Variants in NMU observed in about 807,000 individuals in gnomAD.
The protein encoded by NMU is neuromedin-U.
In NMU, 29 loss-of-function variants were observed where a neutral mutation model predicts 35.4. The ratio of observed to expected loss-of-function variants is 0.82; its 90% CI spans 0.61 to 1.12. NMU has a LOEUF of 1.12. Among genes scored for constraint, NMU ranks in the 50% most tolerant of loss-of-function variants. NMU has a pLI of 0.00. For missense variants in NMU, 199 were observed against 206.2 expected (o/e 0.97, Z 0.21); for synonymous variants, 78 against 81.3 (o/e 0.96, Z 0.22).
chr4:55,600,633 C>G, intron 7 of NMU, 58 bp from the exon 8 acceptor site: 1 of 1,245,560 alleles, frequency 8.0e-7, no homozygotes, highest in Non-Finnish European at 1.2e-6. Flanking sequence ...AGTGCAAATT[C>G]TCCTTGAAAG....
At chr4:55,611,188 C>T (rs1360410467) in intron 3 of NMU, among the ~76,000 whole-genome samples, 1 of 151,908 alleles carries the variant, frequency 6.6e-6, no homozygotes, top group Non-Finnish European at 1.5e-5. Flanking sequence ...ATAGCAAGAT[C>T]CTGTCTCTAC....
intron 2 of NMU, 100 bp downstream of exon 2, chr4:55,630,302 G>A (rs1577964327): frequency 1.1e-6 from 1 of 933,490 alleles, no homozygotes; most frequent in East Asian, 2.5e-5. Flanking sequence ...TAGAGTGTTG[G>A]TAAAATCATA....
intron 1 of NMU, among the ~76,000 whole-genome samples, chr4:55,634,811 G>C (rs1345537867): frequency 6.6e-6 from 1 of 152,154 alleles, no homozygotes; most frequent in Non-Finnish European, 1.5e-5. Context: ...AGGTCTGCTA[G>C]CTTCTGACTG....
At position 55,607,898 on chromosome 4, in the gene NMU, C is replaced by T. The variant is rs1271769891; in HGVS notation, c.280-432G>A. Among the ~76,000 whole-genome samples the T allele has an allele frequency of 2.6e-5, 4 of 152,176 alleles. No individual in the cohort carries two copies. In the South Asian group the frequency reaches 6.2e-4, roughly 24 times the overall value. Reference sequence around the variant, plus strand: ...CCATAAAAAAATTTTTAGCCGGGCGCGGTGGCTTGCGCCTGTAATCCCAGC... The same window carrying T: ...CCATAAAAAAATTTTTAGCCGGGCGTGGTGGCTTGCGCCTGTAATCCCAGC... On this transcript the variant is annotated intron_variant, in intron 4 of 9. Coordinates refer to ENST00000264218, the MANE Select transcript of NMU (RefSeq NM_006681.4).
chr4:55,619,879 TG>T (rs1226679002), intron 2 of NMU, among the ~76,000 whole-genome samples: 2 of 128,696 alleles, frequency 1.6e-5, no homozygotes, highest in African/African-American at 2.7e-5. Context: ...GCAGCCTAAC[TG>T]GGAGGCACCC....
intron 1 of NMU, among the ~76,000 whole-genome samples, chr4:55,633,052 C>T (rs901940494): frequency 1.5e-4 from 22 of 145,472 alleles, no homozygotes; most frequent in East Asian, 2.0e-4. Flanking sequence ...TGGCTGGGTG[C>T]AGTGGCTCAC....
intron 7 of NMU, 51 bp from the exon 8 acceptor site, chr4:55,600,626 G>T: frequency 7.7e-7 from 1 of 1,303,464 alleles, no homozygotes; most frequent in Non-Finnish European, 1.1e-6. Context: ...AAAAATAAGT[G>T]CAAATTCTCC....
chr4:55,611,850 C>G (rs1418049525), intron 3 of NMU, among the ~76,000 whole-genome samples: 1 of 152,166 alleles, frequency 6.6e-6, no homozygotes, highest in Non-Finnish European at 1.5e-5. Context: ...TGTATATCCC[C>G]ATTTTTAAGT....
chr4:55,633,580 A>G (rs1715731064), intron 1 of NMU, among the ~76,000 whole-genome samples: 1 of 152,230 alleles, frequency 6.6e-6, no homozygotes, highest in African/African-American at 2.4e-5. Flanking sequence ...AGATATTTAT[A>G]CTTCATTACT....
chr4:55,630,247 CCTT>C (rs1390628979), intron 2 of NMU, among the ~76,000 whole-genome samples, 152 bp downstream of exon 2: 1 of 152,154 alleles, frequency 6.6e-6, no homozygotes, highest in South Asian at 2.1e-4. Flanking sequence ...TTTCTTCTCT[CCTT>C]CTCTTTTATT....
At chr4:55,601,611 T>C (rs928915010) in intron 7 of NMU, among the ~76,000 whole-genome samples, 9 of 151,918 alleles carry the variant, frequency 5.9e-5, no homozygotes, top group African/African-American at 2.2e-4. Flanking sequence ...AATAAACCAA[T>C]GAAAAATAAA....
chr4:55,599,660 T>C lies in NMU; in HGVS notation c.490-479A>G, dbSNP rs112919039. On this transcript the variant is annotated intron_variant, in intron 8 of 9. Transcript: ENST00000264218. ...CATTTGCCCCCTCCTTAGCCTTTAG[T>C]GTAAAGCTGAAATTTCTTAGCTAAA... 4.9e-3 allele frequency among the ~76,000 whole-genome samples: 744 copies of C among 152,278 alleles called. 9 individuals carry two copies. Among genetic ancestry groups the C allele is most frequent in the African/African-American group, 0.017 (714 of 41,582 alleles).
At chr4:55,626,530 C>A (rs1190988997) in intron 2 of NMU, among the ~76,000 whole-genome samples, 3 of 152,174 alleles carry the variant, frequency 2.0e-5, no homozygotes, top group Non-Finnish European at 2.9e-5. Flanking sequence ...CATGGCAAGA[C>A]CCTGTCTCCA....
At chr4:55,630,719 T>C (rs1352275544) in intron 1 of NMU, among the ~76,000 whole-genome samples, 1 of 152,140 alleles carries the variant, frequency 6.6e-6, no homozygotes, top group Non-Finnish European at 1.5e-5. Flanking sequence ...TGCTCATGAA[T>C]TGGAAGAATG....
chr4:55,609,651 A>G (rs556674575), intron 3 of NMU, among the ~76,000 whole-genome samples: 98 of 152,310 alleles, frequency 6.4e-4, no homozygotes, highest in Non-Finnish European at 1.1e-3. Context: ...AGTGGAGGAG[A>G]AGAACCCATG....
At chr4:55,630,955 C>G (rs1031851297) in intron 1 of NMU, among the ~76,000 whole-genome samples, 11 of 152,246 alleles carry the variant, frequency 7.2e-5, no homozygotes, top group South Asian at 2.1e-4. Flanking sequence ...GTTACCAAAA[C>G]AGTATGGTAC....
Position 55,607,446 on chromosome 4 carries a change from A to T in NMU, c.300T>A (p.Asn100Lys). 1 of 1,029,566 alleles carries T rather than the reference A, an allele frequency of 9.7e-7. No individual in the cohort carries two copies. Among genetic ancestry groups the T allele is most frequent in the South Asian group, 1.4e-5 (1 of 72,734 alleles). 63.8% of individuals were successfully genotyped at this position (1,029,566 alleles called of 1,614,324 possible). The stretch of plus-strand genomic sequence containing the variant: ...ATGAAAATCATCTTACCCTTTTAGT[A>T]TTATCTTTTTCATCTTGTTCCTATT... ...PKPQEQDEKD[N>K]TKRFLFHYSK... The change falls in exon 5 of 10, where the codon AAT (asparagine) becomes AAA (lysine). Residue 100 changes from asparagine to lysine, a missense_variant. Physicochemically the swap from Asn to Lys is moderately conservative, Grantham distance 94. Coordinates refer to ENST00000264218, the MANE Select transcript of NMU (RefSeq NM_006681.4).
chr4:55,625,667 C>T (rs1191207444), intron 2 of NMU, among the ~76,000 whole-genome samples: 1 of 152,102 alleles, frequency 6.6e-6, no homozygotes, highest in African/African-American at 2.4e-5. Context: ...ATTTCCTACC[C>T]CCATTCCACC....
intron 3 of NMU, 148 bp from the exon 4 acceptor site, chr4:55,609,327 T>A: frequency 1.5e-6 from 1 of 678,570 alleles, no homozygotes; most frequent in South Asian, 1.8e-5. Context: ...GTTGGAATCC[T>A]TTGATTTCTC....
Sources: gnomAD v4.1 joint callset for allele counts (sites outside exome capture counted in the v4.1 genomes callset) on GRCh38, gnomAD v4.1.1 for gene constraint, MANE v1.5 for transcripts, NCBI Gene and HGNC (gene_info 2026-07-23, HGNC 2026-07-21) for gene names.